Variants in FBXO40 observed in about 807,000 individuals in gnomAD.
FBXO40 encodes F-box protein 40, also known as F-box only protein 40.
Under a neutral mutation model 49.9 loss-of-function variants are expected in FBXO40, and 50 were observed. The observed-to-expected ratio is 1.00, with a 90% CI of 0.80 to 1.27. The LOEUF is 1.27. Among genes scored for constraint, FBXO40 ranks in the 50% most tolerant of loss-of-function variants. The pLI, the probability that FBXO40 is intolerant of heterozygous loss-of-function variation, is 0.00. For missense variants in FBXO40, 895 were observed against 870.1 expected, an observed-to-expected ratio of 1.03 and a Z score of -0.36; for synonymous variants, 340 against 320.2, an observed-to-expected ratio of 1.06 and a Z score of -0.66.
intron 1 of FBXO40, among the ~76,000 whole-genome samples, chr3:121,615,362 G>A (rs1285752001): frequency 6.6e-6 from 1 of 151,942 alleles, no homozygotes; most frequent in African/African-American, 2.4e-5. Flanking sequence ...TTTGGAACAA[G>A]CCTGGACAAC....
Position 121,628,943 on chromosome 3 carries a change from C to T in FBXO40, c.*2033C>T, listed in dbSNP as rs992294246. 24 of 152,288 alleles carry T rather than the reference C, an allele frequency of 1.6e-4. No homozygotes were observed. In the East Asian group the frequency reaches 2.9e-3, roughly 18 times the overall value. 9.4% of individuals were successfully genotyped at this position (152,288 alleles called of 1,614,324 possible). ...CTCTCACTGTAATTGGTGTCATTTT[C>T]CCAGCAGTCCTAGCAGTCCTCAAGC... is the stretch of plus-strand genomic sequence containing the variant. On this transcript the variant is annotated 3_prime_UTR_variant, in exon 4 of 4. Coordinates refer to ENST00000338040, the MANE Select transcript of FBXO40 (RefSeq NM_016298.4).
intron 1 of FBXO40, among the ~76,000 whole-genome samples, chr3:121,605,676 C>G (rs1352250007): frequency 6.6e-6 from 1 of 152,176 alleles, no homozygotes; most frequent in Non-Finnish European, 1.5e-5. Flanking sequence ...GTGCCCAGTG[C>G]AAGAAACTTT....
chr3:121,629,880 G>A lies in FBXO40; in HGVS notation c.*2970G>A, dbSNP rs2049083863. The A allele has an allele frequency of 6.6e-6, 1 of 152,292 alleles. No homozygotes were observed. The highest frequency in any genetic ancestry group is 1.5e-5 in the Non-Finnish European group (1 of 68,082). 9.4% of individuals were successfully genotyped at this position (152,292 alleles called of 1,614,324 possible). A position where few individuals can be genotyped will look rare whatever the true frequency, so the allele number is the denominator to read the frequency against. On this transcript the variant is annotated 3_prime_UTR_variant, in exon 4 of 4. Coordinates refer to ENST00000338040, the MANE Select transcript of FBXO40 (RefSeq NM_016298.4). ...GACAGAGGCAAGACAGCTAGAAGTG[G>A]CTTCAGATTTAGAAACAGCTGAGGG...
chr3:121,602,613 T>A (rs115059009), intron 1 of FBXO40, among the ~76,000 whole-genome samples: 291 of 152,340 alleles, frequency 1.9e-3, no homozygotes, highest in African/African-American at 6.6e-3. Flanking sequence ...CATCGCATTC[T>A]CTACACAGCA....
At chr3:121,608,035 C>T (rs546365891) in intron 1 of FBXO40, among the ~76,000 whole-genome samples, 2 of 152,342 alleles carry the variant, frequency 1.3e-5, no homozygotes, top group South Asian at 2.1e-4. Flanking sequence ...GGCCCATTTT[C>T]GTTCTTCCTT....
At chr3:121,597,658 C>CTTTTTTT (rs137900064) in intron 1 of FBXO40, among the ~76,000 whole-genome samples, 3 of 127,820 alleles carry the variant, frequency 2.3e-5, no homozygotes, top group Admixed American at 8.9e-5. Flanking sequence ...TTATAGGCCC[C>CTTTTTTT]CTTTTTTTTT....
chr3:121,621,772 A>G lies in FBXO40; in HGVS notation c.343A>G (p.Ile115Val), dbSNP rs1200661274. The part of the protein sequence containing the change: ...VDSETTLHEN[I>V]MKETPSEECL... ...CTCTGAAACCACCCTTCATGAAAAC[A>G]TCATGAAAGAGACCCCCAGTGAGGA... The change falls in exon 3 of 4, where the codon ATC becomes GTC. Residue 115 changes from isoleucine (I) to valine (V), a missense_variant. Physicochemically the swap from Ile to Val is conservative, Grantham distance 29. Transcript: ENST00000338040. 3 of 1,614,106 alleles carry G rather than the reference A, an allele frequency of 1.9e-6. No individual in the cohort carries two copies. The highest frequency in any genetic ancestry group is 1.3e-5 in the African/African-American group (1 of 74,944).
rs1324909216 is a variant in FBXO40 at position 121,621,468 on chromosome 3, G to A, written c.39G>A (p.Arg13=). 2 of 1,614,128 alleles carry A rather than the reference G, an allele frequency of 1.2e-6. No homozygotes were observed. Among genetic ancestry groups the A allele is most frequent in the South Asian group, 1.1e-5 (1 of 91,076 alleles). Residue 13 remains arginine, a synonymous_variant, in exon 3 of 4, where the codon AGG becomes AGA. Transcript: ENST00000338040. ...KARRSPPGHH[R]HCEGCFNRHC... ...GCAGATCCCCGCCAGGGCACCACAG[G>A]CATTGTGAGGGATGCTTCAACCGCC... is the stretch of plus-strand genomic sequence containing the variant.
chr3:121,618,882 T>C (rs1292718528), intron 1 of FBXO40, among the ~76,000 whole-genome samples: 3 of 152,022 alleles, frequency 2.0e-5, no homozygotes, highest in East Asian at 1.9e-4. Context: ...GTTCATTGTA[T>C]GTATTCCTTC....
At chr3:121,618,687 C>A (rs935921074) in intron 1 of FBXO40, among the ~76,000 whole-genome samples, 198 of 151,810 alleles carry the variant, frequency 1.3e-3, no homozygotes, top group African/African-American at 4.4e-3. Context: ...TGAGCCACCG[C>A]GCCTGGCTGG....
chr3:121,617,019 G>C (rs572015701), intron 1 of FBXO40, among the ~76,000 whole-genome samples: 9 of 152,276 alleles, frequency 5.9e-5, no homozygotes, highest in Non-Finnish European at 1.3e-4. Context: ...GGGTGTAGGG[G>C]ATAGTAGGAG....
At chr3:121,620,430 T>C (rs2049023992) in intron 1 of FBXO40, 116 bp from the exon 2 acceptor site, 2 of 929,382 alleles carry the variant, frequency 2.2e-6, no homozygotes, top group South Asian at 3.2e-5. Flanking sequence ...TAAAGACACC[T>C]CCAGGATGGT....
At chr3:121,613,976 T>C (rs1196709702) in intron 1 of FBXO40, among the ~76,000 whole-genome samples, 1 of 150,728 alleles carries the variant, frequency 6.6e-6, no homozygotes, top group African/African-American at 2.4e-5. Context: ...TTACTAAAAA[T>C]ACAAAAATTA....
chr3:121,601,463 A>G (rs1035943584), intron 1 of FBXO40, among the ~76,000 whole-genome samples: 1 of 152,224 alleles, frequency 6.6e-6, no homozygotes, highest in Admixed American at 6.5e-5. Context: ...AAGTAACTTC[A>G]AGGAGCTGGA....
At chr3:121,607,300 C>CTTTTTTTTTTTTTT (rs555162944) in intron 1 of FBXO40, among the ~76,000 whole-genome samples, 5 of 60,126 alleles carry the variant, frequency 8.3e-5, no homozygotes, top group Admixed American at 2.8e-4. Context: ...CTCTAAAGCT[C>CTTTTTTTTTTTTTT]TTTTTTTTTT....
At chr3:121,620,783 AGAG>A (rs2049025918) in intron 2 of FBXO40, among the ~76,000 whole-genome samples, 1 of 152,244 alleles carries the variant, frequency 6.6e-6, no homozygotes, top group African/African-American at 2.4e-5. Flanking sequence ...TTTTGAGCAA[AGAG>A]TTTAAGTGAA....
chr3:121,626,851 G>A lies in FBXO40; in HGVS notation c.2071G>A (p.Ala691Thr), dbSNP rs1467996827. The A allele has an allele frequency of 2.5e-6, 4 of 1,613,996 alleles. No individual in the cohort carries two copies. Among genetic ancestry groups the A allele is most frequent in the African/African-American group, 2.7e-5 (2 of 74,892 alleles). ...LTSMCQPREQ[A>T]RESLVSTFRI... The stretch of plus-strand genomic sequence containing the variant: ...TAGCATGTGTCAGCCCCGTGAGCAG[G>A]CCCGAGAGAGCTTAGTCTCCACCTT... Residue 691 changes from alanine (A) to threonine (T), a missense_variant, in exon 4 of 4, where the codon GCC becomes ACC. Coordinates refer to ENST00000338040, the MANE Select transcript of FBXO40 (RefSeq NM_016298.4).
chr3:121,621,736 C>T lies in FBXO40; in HGVS notation c.307C>T (p.Pro103Ser). 1 of 1,614,206 alleles carries T rather than the reference C, an allele frequency of 6.2e-7. No individual in the cohort carries two copies. The highest frequency in any genetic ancestry group is 2.2e-5 in the East Asian group (1 of 44,894). ...CTGCTCCATGGAGTGGAACCGCTGG[C>T]CAAATGTGGACTCTGAAACCACCCT... ...VCCSMEWNRW[P>S]NVDSETTLHE... is the part of the protein sequence containing the mutation. Residue 103 changes from proline (P) to serine (S), a missense_variant, in exon 3 of 4, where the codon CCA becomes TCA. Transcript: ENST00000338040.
chr3:121,622,896 C>A lies in FBXO40; in HGVS notation c.1467C>A (p.Pro489=). Reference sequence around the variant, plus strand: ...AATTCTTCAGGAGGGATGAGTTCCCCCTGCACTTCAAGAATGTCCACACAG... The same window carrying A: ...AATTCTTCAGGAGGGATGAGTTCCCACTGCACTTCAAGAATGTCCACACAG... ...CNKFFRRDEF[P]LHFKNVHTDI... Residue 489 remains proline (P), a synonymous_variant, in exon 3 of 4, where the codon CCC becomes CCA. Transcript: ENST00000338040. 2 of 1,614,198 alleles carry A rather than the reference C, an allele frequency of 1.2e-6. No individual in the cohort carries two copies. Among genetic ancestry groups the A allele is most frequent in the East Asian group, 4.5e-5 (2 of 44,888 alleles).
Sources: allele counts gnomAD v4.1 joint callset (sites outside exome capture counted in the v4.1 genomes callset), GRCh38; gene constraint gnomAD v4.1.1; transcripts MANE v1.5; gene names NCBI Gene and HGNC (gene_info 2026-07-23, HGNC 2026-07-21).